The following PUDP variants were observed in gnomAD, a reference collection of about 807,000 sequenced individuals.
The protein encoded by PUDP is pseudouridine-5'-phosphatase.
In PUDP, 8 loss-of-function variants were observed where a neutral mutation model predicts 9.4. The observed-to-expected ratio is 0.85, with a 90% CI of 0.50 to 1.53. PUDP has a LOEUF of 1.53. Ranked by LOEUF, PUDP falls within the 40% of genes most tolerant of loss-of-function variation. The probability of loss-of-function intolerance (pLI) is 0.00; values close to 1 mark genes in which losing one functional copy is unlikely to be tolerated. For missense variants in PUDP, 188 were observed against 189.7 expected (o/e 0.99, Z 0.05); for synonymous variants, 99 against 80.7 (o/e 1.23, Z -1.22).
At chrX:6,907,412 C>T (rs1402509073) in intron 3 of PUDP, among the ~76,000 whole-genome samples, 1 of 111,887 alleles carries the variant, frequency 8.9e-6, no homozygotes, top group African/African-American at 3.2e-5. Context: ...ACTACTCAAA[C>T]ATTGTTTCCT....
intron 3 of PUDP, among the ~76,000 whole-genome samples, chrX:6,872,883 A>C (rs139074708): frequency 0.11 from 12,331 of 110,043 alleles, 765 homozygotes; most frequent in East Asian, 0.46. Context: ...ATCTAGCGAT[A>C]CGAGGTATCC....
chrX:6,758,341 T>G (rs1439422104), intron 3 of PUDP, among the ~76,000 whole-genome samples: 1 of 110,446 alleles, frequency 9.1e-6, no homozygotes, highest in Non-Finnish European at 1.9e-5. Context: ...CATGCACCTC[T>G]GGTCCCTGAT....
At chrX:6,897,981 C>A (rs1222074440) in intron 3 of PUDP, among the ~76,000 whole-genome samples, 1 of 112,303 alleles carries the variant, frequency 8.9e-6, no homozygotes, top group Non-Finnish European at 1.9e-5. Flanking sequence ...GATATGTAAA[C>A]CCTGCATGGA....
intron 3 of PUDP, among the ~76,000 whole-genome samples, chrX:6,846,134 T>C (rs1207178091): frequency 8.9e-6 from 1 of 111,791 alleles, no homozygotes; most frequent in Admixed American, 9.5e-5. Flanking sequence ...TTGGAAATTT[T>C]TTTTGAAAAG....
intron 3 of PUDP, among the ~76,000 whole-genome samples, chrX:6,827,949 G>A (rs916787572): frequency 8.9e-6 from 1 of 111,910 alleles, no homozygotes; most frequent in Admixed American, 9.5e-5. Context: ...ATTTTATACT[G>A]TATCGGCATG....
chrX:7,100,765 A>G (rs766170352), intron 2 of PUDP, among the ~76,000 whole-genome samples: 9 of 111,930 alleles, frequency 8.0e-5, no homozygotes, highest in African/African-American at 2.9e-4. Flanking sequence ...TCAGGACAGA[A>G]GAGCTATTTT....
rs1002634545 is a variant in PUDP, at chrX:7,077,383, C to T, written c.347G>A (p.Gly116Glu). The stretch of plus-strand genomic sequence containing the variant: ...TGTCTTCATATCGAACGACGCGGAC[C>T]CCGAGCTGGTGGCCAGTGCAAAGGG... ...GIPFALATSS[G>E]SASFDMKTSR... The change falls in exon 3 of 4, where the codon GGG (glycine) becomes GAG (glutamate). Residue 116 changes from glycine (G) to glutamate (E), a missense_variant. By Grantham distance (98) the Gly-to-Glu change is moderately conservative (BLOSUM62 -2). Coordinates refer to ENST00000381077, the MANE Select transcript of PUDP (RefSeq NM_012080.5). 1 of 1,208,636 alleles carries T rather than the reference C, an allele frequency of 8.3e-7. No homozygotes were observed. The highest frequency in any genetic ancestry group is 1.8e-5 in the African/African-American group (1 of 56,878).
intron 3 of PUDP, among the ~76,000 whole-genome samples, chrX:6,811,113 C>T (rs1926136892): frequency 9.0e-6 from 1 of 111,353 alleles, no homozygotes; most frequent in Non-Finnish European, 1.9e-5. Context: ...AGTCAGGCTT[C>T]GATTCTCAAA....
At chrX:6,810,555 C>T (rs1041713977) in intron 3 of PUDP, among the ~76,000 whole-genome samples, 1 of 111,571 alleles carries the variant, frequency 9.0e-6, no homozygotes, top group Non-Finnish European at 1.9e-5. Context: ...TCTTACCTCA[C>T]TTTTTGCAAT....
At chrX:6,852,338 T>G (rs1184708824) in intron 3 of PUDP, among the ~76,000 whole-genome samples, 1 of 112,447 alleles carries the variant, frequency 8.9e-6, no homozygotes, top group Non-Finnish European at 1.9e-5. Context: ...ATCGGGCTGA[T>G]GCATACTCAG....
intron 3 of PUDP, among the ~76,000 whole-genome samples, chrX:6,872,968 T>A (rs905532368): frequency 1.8e-5 from 2 of 111,293 alleles, no homozygotes; most frequent in African/African-American, 6.5e-5. Flanking sequence ...ACTGAATTAC[T>A]TCCAGAGGTG....
intron 3 of PUDP, among the ~76,000 whole-genome samples, chrX:6,871,800 A>AT (rs1186490870): frequency 9.0e-6 from 1 of 111,696 alleles, no homozygotes; most frequent in Non-Finnish European, 1.9e-5. Context: ...TGTCTCTGGG[A>AT]TTTTGTCACC....
At chrX:6,819,439 CT>C (rs1191475674) in intron 3 of PUDP, among the ~76,000 whole-genome samples, 4 of 112,381 alleles carry the variant, frequency 3.6e-5, no homozygotes, top group Admixed American at 1.9e-4. Context: ...CTCATTTCTT[CT>C]CTGCAACACA....
intron 1 of PUDP, among the ~76,000 whole-genome samples, chrX:7,014,969 T>A (rs759706278): frequency 8.9e-6 from 1 of 111,775 alleles, no homozygotes; most frequent in East Asian, 2.8e-4. Context: ...TTTGGATAAC[T>A]TTTACTCACT....
At chrX:6,762,746 T>C (rs2146675230) in intron 3 of PUDP, among the ~76,000 whole-genome samples, 1 of 112,560 alleles carries the variant, frequency 8.9e-6, no homozygotes, top group African/African-American at 3.2e-5. Flanking sequence ...ATACTCCTTG[T>C]AAAGCATTTA....
chrX:6,853,368 C>A (rs1926856557), intron 3 of PUDP, among the ~76,000 whole-genome samples: 2 of 110,862 alleles, frequency 1.8e-5, no homozygotes, highest in South Asian at 7.7e-4. Context: ...AATTTCCTCC[C>A]ATAGCTCCCA....
At chrX:6,801,946 T>A (rs1362601160) in intron 3 of PUDP, among the ~76,000 whole-genome samples, 1 of 111,766 alleles carries the variant, frequency 8.9e-6, no homozygotes, top group Non-Finnish European at 1.9e-5. Flanking sequence ...GAAAGTTTTA[T>A]GGTGAGTGAA....
intron 3 of PUDP, among the ~76,000 whole-genome samples, chrX:6,935,180 AT>A (rs1319051030): frequency 1.9e-5 from 2 of 106,985 alleles, no homozygotes; most frequent in Admixed American, 1.0e-4. Flanking sequence ...CAGAATATAC[AT>A]TTTTTTAAGC....
At chrX:6,973,697 G>A (rs1382116250) in intron 3 of PUDP, among the ~76,000 whole-genome samples, 1 of 111,839 alleles carries the variant, frequency 8.9e-6, no homozygotes, top group African/African-American at 3.3e-5. Context: ...TTGGGGTGGA[G>A]AGTTTTGTAG....
Sources: allele counts gnomAD v4.1 joint callset (sites outside exome capture counted in the v4.1 genomes callset), GRCh38; gene constraint gnomAD v4.1.1; transcripts MANE v1.5; gene names NCBI Gene and HGNC (gene_info 2026-07-23, HGNC 2026-07-21).